AHSA1: variants seen among roughly 807,000 people sequenced by gnomAD.
AHSA1 encodes activator of 90 kDa heat shock protein ATPase homolog 1.
Under a neutral mutation model 46.1 loss-of-function variants are expected in AHSA1, and 14 were observed. That is an observed-to-expected ratio of 0.30 (90% CI 0.20 to 0.47). AHSA1 has a LOEUF of 0.47. AHSA1 is among the 20% of genes least tolerant of loss of function. AHSA1 has a pLI of 0.99. For missense variants in AHSA1, 333 were observed against 415.9 expected (o/e 0.80, Z 1.73); for synonymous variants, 147 against 145.8 (o/e 1.01, Z -0.06).
At chr14:77,468,017 T>G in intron 6 of AHSA1, 66 bp from the exon 7 acceptor site, 1 of 1,170,602 alleles carries the variant, frequency 8.5e-7, no homozygotes, top group South Asian at 1.6e-5. Flanking sequence ...GCATTTGTCC[T>G]TGGGTCCCAC....
At position 77,462,203 on chromosome 14, in the gene AHSA1, C is replaced by T. The variant is rs35913082; in HGVS notation, c.315C>T (p.Ile105=). The T allele has an allele frequency of 6.1e-3, 9,901 of 1,613,620 alleles. 533 individuals are homozygous for T. The African/African-American group carries it at 0.11, about 19-fold the overall frequency. Residue 105 remains isoleucine (I), a synonymous_variant, in exon 3 of 9, where the codon ATC becomes ATT. Coordinates refer to ENST00000216479, the MANE Select transcript of AHSA1 (RefSeq NM_012111.3). ...TACAATACAAAGGACATGTGGAGAT[C>T]CCCAATTTGTCTGATGAAAACAGCG... ...SGVQYKGHVE[I]PNLSDENSVD...
At chr14:77,457,972 C>A (rs1012172933), upstream of AHSA1, 4 of 526,740 alleles carry the variant, frequency 7.6e-6, no homozygotes, top group Admixed American at 3.9e-5. Context: ...CTAAATCAGG[C>A]GGAACCCACG....
At position 77,469,447 on chromosome 14, in the gene AHSA1, G is replaced by A. The variant is rs2079064220; in HGVS notation, c.*198G>A. The A allele has an allele frequency of 1.9e-6, 1 of 527,874 alleles. No homozygotes were observed. Among genetic ancestry groups the A allele is most frequent in the East Asian group, 3.4e-5 (1 of 29,840 alleles). The allele number at this position is 527,874 out of a possible 1,614,324, so 32.7% of individuals were successfully genotyped here. A position where few individuals can be genotyped will look rare whatever the true frequency, so the allele number is the denominator to read the frequency against. On this transcript the variant is annotated 3_prime_UTR_variant, in exon 9 of 9. Coordinates refer to ENST00000216479, the MANE Select transcript of AHSA1 (RefSeq NM_012111.3). ...CAATTTCTCTTTTATGTGTACATATGCTAAATAAACATAATTTAAAAAACA... is the reference window on the plus strand; with the variant it reads ...CAATTTCTCTTTTATGTGTACATATACTAAATAAACATAATTTAAAAAACA...
Position 77,458,239 on chromosome 14 carries a change from C to A in AHSA1, c.50C>A (p.Ala17Glu). Reference protein sequence around the residue: ...GDPRWIVEERADATNVNNWHW... With the variant: ...GDPRWIVEEREDATNVNNWHW... Reference sequence around the variant, plus strand: ...CCACGCTGGATCGTGGAGGAGCGGGCGGACGCCACCAACGTCAACAACTGG... The same window carrying A: ...CCACGCTGGATCGTGGAGGAGCGGGAGGACGCCACCAACGTCAACAACTGG... The change falls in exon 1 of 9, where the codon GCG becomes GAG. Residue 17 changes from alanine (A) to glutamate (E), a missense_variant. Ala to Glu is a moderately radical substitution (Grantham distance 107). Coordinates refer to ENST00000216479, the MANE Select transcript of AHSA1 (RefSeq NM_012111.3). 1 of 1,546,218 alleles carries A rather than the reference C, an allele frequency of 6.5e-7. No homozygotes were observed. The highest frequency in any genetic ancestry group is 1.2e-5 in the South Asian group (1 of 83,658).
At chr14:77,464,274 G>A (rs939243433) in intron 4 of AHSA1, among the ~76,000 whole-genome samples, 6 of 152,144 alleles carry the variant, frequency 3.9e-5, no homozygotes, top group South Asian at 2.1e-4. Flanking sequence ...CTACTCAGGA[G>A]GCTGAGGCAG....
At chr14:77,459,528 C>T (rs1325585762) in intron 1 of AHSA1, 88 bp from the exon 2 acceptor site, 5 of 1,343,082 alleles carry the variant, frequency 3.7e-6, no homozygotes, top group Non-Finnish European at 5.2e-6. Context: ...AACTATTTGT[C>T]AGGCCTCCTT....
chr14:77,459,686 A>C lies in AHSA1; in HGVS notation c.151A>C (p.Asn51His). 1 of 1,614,216 alleles carries C rather than the reference A, an allele frequency of 6.2e-7. No individual in the cohort carries two copies. Among genetic ancestry groups the C allele is most frequent in the Non-Finnish European group, 8.5e-7 (1 of 1,180,036 alleles). ...ACTGTTCCTGGCAGTGCAGGTTCAA[A>C]ATGAAGAAGGCAAGTGTGAGGTGAC... The part of the protein sequence containing the change: ...KTLFLAVQVQ[N>H]EEGKCEVTEV... Residue 51 changes from asparagine (N) to histidine (H), a missense_variant, in exon 2 of 9, where the codon AAT (asparagine) becomes CAT (histidine). Physicochemically the swap from Asn to His is moderately conservative, Grantham distance 68. Transcript: ENST00000216479.
intron 1 of AHSA1, among the ~76,000 whole-genome samples, 154 bp from the exon 2 acceptor site, chr14:77,459,462 A>G (rs573779407): frequency 6.6e-6 from 1 of 152,152 alleles, no homozygotes; most frequent in South Asian, 2.1e-4. Context: ...CCTAAAAAAG[A>G]ATGACATGTT....
Position 77,469,354 on chromosome 14 carries a change from G to C in AHSA1, c.*105G>C, listed in dbSNP as rs1400189810. ...GCATCGTCCCAGCTGCTAACTTGGG[G>C]CCGGGGCCCCTCCCTTCCACATATA... On this transcript the variant is annotated 3_prime_UTR_variant, in exon 9 of 9. Coordinates refer to ENST00000216479, the MANE Select transcript of AHSA1 (RefSeq NM_012111.3). 4 of 1,465,974 alleles carry C rather than the reference G, an allele frequency of 2.7e-6. No homozygotes were observed. The highest frequency in any genetic ancestry group is 2.8e-5 in the African/African-American group (2 of 71,310). The allele number at this position is 1,465,974 out of a possible 1,614,324, so 90.8% of individuals were successfully genotyped here. A position where few individuals can be genotyped will look rare whatever the true frequency, so the allele number is the denominator to read the frequency against.
chr14:77,459,822 G>C lies in AHSA1; in HGVS notation c.271+16G>C. ...AACTGGACAGGTAAGTCTAAGCTGG[G>C]CTGTCAGAGAGATTAACTGTGTTTT... On this transcript the variant is annotated intron_variant, in intron 2 of 8. Coordinates refer to ENST00000216479, the MANE Select transcript of AHSA1 (RefSeq NM_012111.3). 6.2e-7 allele frequency: 1 copy of C among 1,613,590 alleles called. No homozygotes were observed. The highest frequency in any genetic ancestry group is 8.5e-7 in the Non-Finnish European group (1 of 1,179,472).
chr14:77,464,951 T>TTAGG (rs2079041761), intron 5 of AHSA1, among the ~76,000 whole-genome samples: 1 of 148,648 alleles, frequency 6.7e-6, no homozygotes, highest in Non-Finnish European at 1.5e-5. Context: ...TTAGCACCAG[T>TTAGG]TAGGAGGTTA....
At chr14:77,461,386 C>T (rs2079023769) in intron 2 of AHSA1, among the ~76,000 whole-genome samples, 1 of 152,000 alleles carries the variant, frequency 6.6e-6, no homozygotes, top group African/African-American at 2.4e-5. Context: ...AAAAATTAGC[C>T]GTGTGTAGTG....
chr14:77,458,870 C>T (rs904829229), intron 1 of AHSA1, among the ~76,000 whole-genome samples: 9 of 152,190 alleles, frequency 5.9e-5, no homozygotes, highest in African/African-American at 2.2e-4. Context: ...AACTGCCCTC[C>T]TTCATGAAAT....
chr14:77,468,744 T>TTTTTTTTTTTTC (rs2079060053), intron 8 of AHSA1: 1 of 399,482 alleles, frequency 2.5e-6, no homozygotes, highest in African/African-American at 2.6e-5. Context: ...TTTTTTTTTT[T>TTTTTTTTTTTTC]TACTTTTTTA....
chr14:77,469,006 C>T, intron 8 of AHSA1, 71 bp from the exon 9 acceptor site: 1 of 1,567,990 alleles, frequency 6.4e-7, no homozygotes, highest in Non-Finnish European at 8.7e-7. Flanking sequence ...CCACGCCCAG[C>T]CAGGTTGCCC....
chr14:77,468,754 A>T (rs760255), intron 8 of AHSA1: 131,931 of 306,098 alleles, frequency 0.43, 17,611 homozygotes, highest in East Asian at 0.64. Context: ...TTACTTTTTT[A>T]CTTTTTTTGT....
chr14:77,463,540 C>T lies in AHSA1; in HGVS notation c.472+781C>T, dbSNP rs187388154. ...GGTAAAGGTTGCGGTGAGCCAAGAA[C>T]GCGCCATTGCACTCCAGCCTGGGTG... On this transcript the variant is annotated intron_variant, in intron 4 of 8. Transcript: ENST00000216479. 3.2e-4 allele frequency among the ~76,000 whole-genome samples: 46 copies of T among 143,084 alleles called. 1 individual carries two copies. The East Asian group carries it at 7.6e-3, about 24-fold the overall frequency. The allele number at this position is 143,084 out of a possible 152,430, so 93.9% of individuals were successfully genotyped here. A position where few individuals can be genotyped will look rare whatever the true frequency, so the allele number is the denominator to read the frequency against.
At chr14:77,458,293 G>A in intron 1 of AHSA1, 24 bp downstream of exon 1, 1 of 1,540,252 alleles carries the variant, frequency 6.5e-7, no homozygotes, top group Non-Finnish European at 8.7e-7. Context: ...AAGCAGGCCG[G>A]CCTTGGGAGA....
Position 77,462,688 on chromosome 14 carries a change from C to G in AHSA1, c.401C>G (p.Ala134Gly), listed in dbSNP as rs953719196. Residue 134 changes from alanine (A) to glycine (G), a missense_variant, in exon 4 of 9, where the codon GCC becomes GGC. Transcript: ENST00000216479. ...GATGAGCCTGACACAAATCTCGTGG[C>G]CTTAATGAAGGAAGAAGGGGTGAAA... ...AKDEPDTNLVALMKEEGVKLL... is the reference protein window; with the variant it reads ...AKDEPDTNLVGLMKEEGVKLL... 1 of 1,614,122 alleles carries G rather than the reference C, an allele frequency of 6.2e-7. No homozygotes were observed. Among genetic ancestry groups the G allele is most frequent in the Admixed American group, 1.7e-5 (1 of 60,010 alleles).
Sources: gnomAD v4.1 joint callset for allele counts (sites outside exome capture counted in the v4.1 genomes callset) on GRCh38, gnomAD v4.1.1 for gene constraint, MANE v1.5 for transcripts, NCBI Gene and HGNC (gene_info 2026-07-23, HGNC 2026-07-21) for gene names.